CDKL5: variants seen among roughly 807,000 people sequenced by gnomAD.
CDKL5 encodes the protein cyclin dependent kinase like 5, also known as cyclin-dependent kinase-like 5.
CDKL5 carries 8 observed loss-of-function variants against 61.7 expected under a neutral mutation model. That is an observed-to-expected ratio of 0.13 (90% confidence interval 0.08 to 0.23). The LOEUF (loss-of-function observed/expected upper bound fraction) is 0.23. CDKL5 is among the 10% of genes least tolerant of loss of function. The probability of loss-of-function intolerance (pLI) is 1.00; values close to 1 mark genes in which losing one functional copy is unlikely to be tolerated. For synonymous variants in CDKL5, 275 were observed against 272.3 expected (o/e 1.01, Z -0.10); for missense variants, 440 against 734.5 (o/e 0.60, Z 4.63).
At chrX:18,577,654 G>T (rs1215229951) in intron 5 of CDKL5, among the ~76,000 whole-genome samples, 1 of 111,933 alleles carries the variant, frequency 8.9e-6, no homozygotes, top group Non-Finnish European at 1.9e-5. Context: ...GGACATAGTT[G>T]CATGACCACA....
chrX:18,425,860 C>A (rs907402445), intron 1 of CDKL5, among the ~76,000 whole-genome samples, 165 bp downstream of exon 1: 1 of 112,935 alleles, frequency 8.9e-6, no homozygotes, highest in Non-Finnish European at 1.9e-5. Flanking sequence ...GCGGTGAGGA[C>A]GTCCCAGCCC....
intron 4 of CDKL5, among the ~76,000 whole-genome samples, chrX:18,574,812 G>A (rs1261344706): frequency 8.9e-6 from 1 of 111,930 alleles, no homozygotes. Flanking sequence ...GATGCTTGGC[G>A]CATGACCTCT....
Position 18,595,549 on chromosome X carries a change from ATGGGGAACT to A in CDKL5, c.825+122_825+130del, listed in dbSNP as rs1416358874. On this transcript the variant is annotated intron_variant, in intron 10 of 17. Coordinates refer to ENST00000623535, the MANE Select transcript of CDKL5 (RefSeq NM_001323289.2). ...TTTAGGAGATGTGGAATGGCAAATA[ATGGGGAACT>A]ATGTCATATTAAAAGGCATGTAACT... is the stretch of plus-strand genomic sequence containing the variant. 5.9e-6 allele frequency: 3 copies of A among 505,765 alleles called. No individual in the cohort carries two copies. The African/African-American group carries it at 7.0e-5, about 12-fold the overall frequency. The allele number at this position is 505,765 out of a possible 1,213,427, so 41.7% of individuals were successfully genotyped here. A position where few individuals can be genotyped will look rare whatever the true frequency, so the allele number is the denominator to read the frequency against.
intron 3 of CDKL5, chrX:18,535,774 A>G: frequency 7.7e-6 from 1 of 129,413 alleles, no homozygotes; most frequent in South Asian, 2.6e-4. Flanking sequence ...AAGAGCATTT[A>G]AGGATCATGT....
intron 9 of CDKL5, among the ~76,000 whole-genome samples, chrX:18,591,418 T>C (rs552584097): frequency 1.8e-5 from 2 of 111,254 alleles, no homozygotes; most frequent in African/African-American, 6.5e-5. Context: ...CAACTGTATT[T>C]CTTTTCTCTC....
In CDKL5 at chrX:18,587,957, T is replaced by A; in HGVS notation, c.558T>A (p.Ala186=). 8.3e-7 allele frequency: 1 copy of A among 1,209,018 alleles called. No individual in the cohort carries two copies. The highest frequency in any genetic ancestry group is 1.1e-6 in the Non-Finnish European group (1 of 892,810). Residue 186 remains alanine, a synonymous_variant, in exon 9 of 18, where the codon GCT becomes GCA. Coordinates refer to ENST00000623535, the MANE Select transcript of CDKL5 (RefSeq NM_001323289.2). ...AATCTCTTCCTTTATTTTTCAGCGC[T>A]CCCTATGGAAAGTCCGTGGACATGT... ...WYRSPELLLG[A]PYGKSVDMWS...
In CDKL5 at chrX:18,435,559, C is replaced by T. The variant is rs148398778; in HGVS notation, c.-163+9864C>T. ...TGATAAAATGTAAGTAGGCCCTGCCCTCAAAAAATTAATTAATTAATTTTT... is the reference window on the plus strand; with the variant it reads ...TGATAAAATGTAAGTAGGCCCTGCCTTCAAAAAATTAATTAATTAATTTTT... On this transcript the variant is annotated intron_variant, in intron 1 of 17. Transcript: ENST00000623535. Among the ~76,000 whole-genome samples the T allele has an allele frequency of 9.7e-3, 1,073 of 110,558 alleles. 8 individuals are homozygous for T. The highest frequency in any genetic ancestry group is 0.015 in the Non-Finnish European group (787 of 52,893).
At chrX:18,562,807 A>G (rs60996536) in intron 3 of CDKL5, among the ~76,000 whole-genome samples, 2,641 of 111,784 alleles carry the variant, frequency 0.024, 80 homozygotes, top group African/African-American at 0.08. Flanking sequence ...GAGGATTTTC[A>G]TGGTATTCTT....
At chrX:18,456,356 G>A (rs1190331872) in intron 1 of CDKL5, among the ~76,000 whole-genome samples, 1 of 111,820 alleles carries the variant, frequency 8.9e-6, no homozygotes, top group Non-Finnish European at 1.9e-5. Context: ...CCAACCTTCC[G>A]TCACAACCCA....
At chrX:18,536,627 G>C (rs1459210887) in intron 3 of CDKL5, among the ~76,000 whole-genome samples, 1 of 107,649 alleles carries the variant, frequency 9.3e-6, no homozygotes, top group Non-Finnish European at 1.9e-5. Context: ...TGTATTTTTG[G>C]TAGAGACGGG....
At position 18,628,572 on chromosome X, in the gene CDKL5, G is replaced by T; in HGVS notation, c.2698G>T (p.Ala900Ser). 2.0e-5 allele frequency: 24 copies of T among 1,211,979 alleles called. No individual in the cohort carries two copies. The highest frequency in any genetic ancestry group is 2.7e-5 in the Non-Finnish European group (24 of 895,458). ...RQEPAPKGRP[A>S]LQLPGQMDPG... ...GGAACCCGCACCGAAGGGCAGGCCA[G>T]CCCTCCAGCTGCCAGGTCAGATGGA... Residue 900 changes from alanine (A) to serine (S), a missense_variant, in exon 18 of 18, where the codon GCC (alanine) becomes TCC (serine). Physicochemically the swap from Ala to Ser is moderately conservative, Grantham distance 99. Transcript: ENST00000623535.
rs147529625 is a variant in CDKL5, at chrX:18,564,333, A to G, written c.100-144A>G. On this transcript the variant is annotated intron_variant, in intron 3 of 17. Coordinates refer to ENST00000623535, the MANE Select transcript of CDKL5 (RefSeq NM_001323289.2). ...AGAGATTTTGGAACCAAGAAATGAGAGGTGGCGGGGGAGAGGAAGATGATA... is the reference window on the plus strand; with the variant it reads ...AGAGATTTTGGAACCAAGAAATGAGGGGTGGCGGGGGAGAGGAAGATGATA... The G allele has an allele frequency of 0.013, 4,320 of 326,469 alleles. 71 individuals are homozygous for G. Among genetic ancestry groups the G allele is most frequent in the African/African-American group, 0.062 (2,257 of 36,317 alleles). 26.9% of individuals were successfully genotyped at this position (326,469 alleles called of 1,213,427 possible). A position where few individuals can be genotyped will look rare whatever the true frequency, so the allele number is the denominator to read the frequency against.
At chrX:18,480,145 T>C (rs1921493689) in intron 1 of CDKL5, among the ~76,000 whole-genome samples, 1 of 111,941 alleles carries the variant, frequency 8.9e-6, no homozygotes, top group African/African-American at 3.2e-5. Context: ...TAGGATCTCA[T>C]GTAGGATATC....
chrX:18,598,805 C>T (rs1159333061), intron 11 of CDKL5, among the ~76,000 whole-genome samples, 192 bp downstream of exon 11: 1 of 112,337 alleles, frequency 8.9e-6, no homozygotes, highest in African/African-American at 3.2e-5. Flanking sequence ...ACTTTCTTAT[C>T]TTTAACTAGT....
At chrX:18,641,862 A>C, downstream of CDKL5, 1 of 597,022 alleles carries the variant, frequency 1.7e-6, no homozygotes, top group Non-Finnish European at 2.6e-6. Flanking sequence ...TATCTTAAAA[A>C]AAAAAAAATT....
At chrX:18,615,440 C>T (rs1175241452) in intron 15 of CDKL5, among the ~76,000 whole-genome samples, 1 of 112,046 alleles carries the variant, frequency 8.9e-6, no homozygotes, top group Non-Finnish European at 1.9e-5. Context: ...GGGATGGAGA[C>T]AGGGTCTGGC....
At chrX:18,593,930 G>A (rs1297516082) in intron 9 of CDKL5, among the ~76,000 whole-genome samples, 5 of 111,709 alleles carry the variant, frequency 4.5e-5, no homozygotes, top group African/African-American at 1.6e-4. Context: ...AACCATCTTG[G>A]TCTTTCCTTT....
intron 3 of CDKL5, among the ~76,000 whole-genome samples, chrX:18,518,655 C>T (rs1010441231): frequency 1.8e-5 from 2 of 109,376 alleles, no homozygotes; most frequent in African/African-American, 6.7e-5. Context: ...CCACCCTCGG[C>T]CTCCCAGAGT....
chrX:18,476,029 G>A (rs1298140132), intron 1 of CDKL5, among the ~76,000 whole-genome samples: 1 of 111,514 alleles, frequency 9.0e-6, no homozygotes, highest in Non-Finnish European at 1.9e-5. Context: ...ATTCACATTT[G>A]AACAAAGGAT....
Sources: allele counts gnomAD v4.1 joint callset (sites outside exome capture counted in the v4.1 genomes callset), GRCh38; gene constraint gnomAD v4.1.1; transcripts MANE v1.5; gene names NCBI Gene and HGNC (gene_info 2026-07-23, HGNC 2026-07-21).